Variants in CPM observed in about 807,000 individuals in gnomAD.
The protein encoded by CPM is carboxypeptidase M.
Under a neutral mutation model 46.4 loss-of-function variants are expected in CPM, and 35 were observed. That is an observed-to-expected ratio of 0.75 (90% CI 0.58 to 1.00). CPM has a LOEUF of 1.00. CPM is among the 50% of genes least tolerant of loss of function. The pLI, the probability that CPM is intolerant of heterozygous loss-of-function variation, is 0.00. For synonymous variants in CPM, 195 were observed against 195.3 expected (o/e 1.00, Z 0.01); for missense variants, 422 against 530.4 (o/e 0.80, Z 2.01).
At chr12:68,936,886 G>A (rs1173431559), upstream of CPM, among the ~76,000 whole-genome samples, 1 of 152,182 alleles carries the variant, frequency 6.6e-6, no homozygotes, top group Non-Finnish European at 1.5e-5. Flanking sequence ...AATGAGCAAA[G>A]GAGATGAATA....
chr12:68,909,733 T>C (rs1456251111), intron 2 of CPM, among the ~76,000 whole-genome samples: 2 of 148,112 alleles, frequency 1.4e-5, no homozygotes, highest in African/African-American at 5.0e-5. Context: ...ACTATCAGAA[T>C]ATCAGAAAAT....
At chr12:68,888,446 C>G (rs1332856437) in intron 2 of CPM, among the ~76,000 whole-genome samples, 1 of 152,128 alleles carries the variant, frequency 6.6e-6, no homozygotes, top group African/African-American at 2.4e-5. Flanking sequence ...TGAAAACCAA[C>G]CAACAGACCT....
Position 68,852,034 on chromosome 12 carries a change from C to T in CPM, c.*4403G>A, listed in dbSNP as rs942951997. On this transcript the variant is annotated 3_prime_UTR_variant, in exon 9 of 9. Transcript: ENST00000551568. ...TTCCCCAGGAAGAGATACTTCCAAT[C>T]TAACATCAGATATTTTTACTTTCTA... 3.9e-5 allele frequency: 6 copies of T among 152,234 alleles called. No homozygotes were observed. In the South Asian group the frequency reaches 6.2e-4, roughly 16 times the overall value. The allele number at this position is 152,234 out of a possible 1,614,324, so 9.4% of individuals were successfully genotyped here.
chr12:68,927,679 A>G (rs1888327365), intron 2 of CPM, among the ~76,000 whole-genome samples: 1 of 152,166 alleles, frequency 6.6e-6, no homozygotes, highest in Admixed American at 6.6e-5. Context: ...GTTTTCTTCT[A>G]GGGTTTTTAT....
intron 2 of CPM, among the ~76,000 whole-genome samples, chr12:68,930,883 T>C (rs1279952637): frequency 7.2e-5 from 11 of 152,208 alleles, no homozygotes; most frequent in Admixed American, 7.2e-4. Flanking sequence ...ATTAACAACA[T>C]CCTCATCATC....
chr12:68,856,429 A>T lies in CPM; in HGVS notation c.*8T>A. On this transcript the variant is annotated 3_prime_UTR_variant, in exon 9 of 9. Transcript: ENST00000551568. The stretch of plus-strand genomic sequence containing the variant: ...GGTGGTGATGTGGGTTGAGTTTCAC[A>T]TTTTACTTTATTTGAAGAATATGTG... 1 of 1,612,028 alleles carries T rather than the reference A, an allele frequency of 6.2e-7. No homozygotes were observed. Among genetic ancestry groups the T allele is most frequent in the East Asian group, 2.2e-5 (1 of 44,858 alleles).
At chr12:68,882,410 A>AT (rs1886236070) in intron 3 of CPM, among the ~76,000 whole-genome samples, 1 of 151,758 alleles carries the variant, frequency 6.6e-6, no homozygotes, top group African/African-American at 2.4e-5. Context: ...TTCTTTTTTC[A>AT]TGGCTGCATA....
chr12:68,916,888 CAAAAAA>C (rs779418018), intron 2 of CPM, among the ~76,000 whole-genome samples: 3 of 82,176 alleles, frequency 3.7e-5, no homozygotes, highest in African/African-American at 1.1e-4. Context: ...ACTCTTGTCT[CAAAAAA>C]AAAAAAAAAA....
chr12:68,949,830 G>A (rs948908564), intron 1 of CPM, among the ~76,000 whole-genome samples: 1 of 152,204 alleles, frequency 6.6e-6, no homozygotes, highest in South Asian at 2.1e-4. Flanking sequence ...ATGGCACCCA[G>A]ACCTGGTTTC....
At chr12:68,901,571 A>G (rs1887114577) in intron 2 of CPM, among the ~76,000 whole-genome samples, 1 of 152,260 alleles carries the variant, frequency 6.6e-6, no homozygotes, top group South Asian at 2.1e-4. Flanking sequence ...CAACTAGCAA[A>G]AGCTACACAA....
intron 8 of CPM, 64 bp downstream of exon 8, chr12:68,858,859 T>TG: frequency 9.3e-7 from 1 of 1,077,236 alleles, no homozygotes; most frequent in Non-Finnish European, 1.2e-6. Flanking sequence ...GGATTCCTTC[T>TG]GGGTGAATAA....
chr12:68,956,316 G>A (rs1171402076), intron 1 of CPM, among the ~76,000 whole-genome samples: 2 of 152,216 alleles, frequency 1.3e-5, no homozygotes, highest in African/African-American at 2.4e-5. Context: ...GGCCCCAAGA[G>A]TGCAGGGATG....
chr12:68,870,096 CT>C, intron 5 of CPM, 118 bp downstream of exon 5: 2 of 1,048,710 alleles, frequency 1.9e-6, no homozygotes, highest in Non-Finnish European at 2.7e-6. Context: ...ACATGAAGCT[CT>C]TTTCACCCTG....
chr12:68,885,582 G>C (rs1480172476), intron 3 of CPM, among the ~76,000 whole-genome samples: 1 of 152,082 alleles, frequency 6.6e-6, no homozygotes, highest in Non-Finnish European at 1.5e-5. Context: ...CAGGGTGCTG[G>C]GTACACAACC....
At chr12:68,936,533 A>G (rs549890462), upstream of CPM, among the ~76,000 whole-genome samples, 38 of 152,104 alleles carry the variant, frequency 2.5e-4, no homozygotes, top group South Asian at 7.7e-3. Flanking sequence ...ACAGGTGCCC[A>G]CCACCACGCC....
intron 1 of CPM, among the ~76,000 whole-genome samples, chr12:68,954,574 T>C (rs1467200924): frequency 2.0e-5 from 3 of 152,110 alleles, no homozygotes; most frequent in Non-Finnish European, 2.9e-5. Flanking sequence ...TTAGATAATC[T>C]CATCCAGCCC....
At chr12:68,846,279 G>C (rs559560268), downstream of CPM, 1 of 149,784 alleles carries the variant, frequency 6.7e-6, no homozygotes, top group Admixed American at 6.6e-5. Context: ...TGTAGAGACA[G>C]TTTCACCATG....
intron 8 of CPM, among the ~76,000 whole-genome samples, chr12:68,858,633 T>C (rs753424944): frequency 7.2e-5 from 11 of 152,158 alleles, no homozygotes; most frequent in Non-Finnish European, 1.5e-4. Flanking sequence ...TCTTTATTAT[T>C]AATCGGGTTA....
intron 1 of CPM, among the ~76,000 whole-genome samples, chr12:68,954,407 A>G (rs1888980435): frequency 1.3e-5 from 2 of 152,126 alleles, no homozygotes; most frequent in African/African-American, 4.8e-5. Flanking sequence ...AGTACTGGGC[A>G]TAGTTTACAC....
Sources: allele counts gnomAD v4.1 joint callset (sites outside exome capture counted in the v4.1 genomes callset), GRCh38; gene constraint gnomAD v4.1.1; transcripts MANE v1.5; gene names NCBI Gene and HGNC (gene_info 2026-07-23, HGNC 2026-07-21).